The following SZT2 variants were observed in gnomAD, a reference collection of about 807,000 sequenced individuals.
SZT2 encodes the protein SZT2 subunit of KICSTOR complex.
Under a neutral mutation model 404.2 loss-of-function variants are expected in SZT2, and 216 were observed. That is an observed-to-expected ratio of 0.53 (90% CI 0.48 to 0.60). The LOEUF is 0.60. Ranked by LOEUF, SZT2 falls within the 20% of genes least tolerant of loss-of-function variation. The pLI, the probability that SZT2 is intolerant of heterozygous loss-of-function variation, is 0.00. For missense variants in SZT2, 3,857 were observed against 4,459.2 expected (o/e 0.86, Z 3.85); for synonymous variants, 1,693 against 1,749.9 (o/e 0.97, Z 0.81).
rs763463744 is a variant in SZT2, at chr1:43,420,103, C to A, written c.1091-50C>A. 1 of 1,589,548 alleles carries A rather than the reference C, an allele frequency of 6.3e-7. No individual in the cohort carries two copies. The highest frequency in any genetic ancestry group is 1.1e-5 in the South Asian group (1 of 89,530). ...TAGCCCCTTCCCCCTACAGATCTGT[C>A]AGTTGGCAGATAACCAGTTTCTCCT... On this transcript the variant is annotated intron_variant, in intron 8 of 71. Transcript: ENST00000634258. This position sits in a 1 kb window ranked among gnomAD's most constrained non-coding sequence, Gnocchi z 5.1.
At chr1:43,429,680 A>G (rs1653619741) in intron 28 of SZT2, 23 bp from the exon 29 acceptor site, 4 of 1,614,114 alleles carry the variant, frequency 2.5e-6, no homozygotes, top group African/African-American at 1.3e-5. Flanking sequence ...TAACACTTCA[A>G]CATCCTTACC....
At position 43,437,528 on chromosome 1, in the gene SZT2, T is replaced by C; in HGVS notation, c.6290+20T>C. The C allele has an allele frequency of 6.2e-7, 1 of 1,613,778 alleles. No homozygotes were observed. The highest frequency in any genetic ancestry group is 8.5e-7 in the Non-Finnish European group (1 of 1,179,928). ...TCTTCGGTATGTGGCCCTTGGAAGG[T>C]GGGTAGGGCATGAATTAAGGATGGC... On this transcript the variant is annotated intron_variant, in intron 44 of 71. Coordinates refer to ENST00000634258, the MANE Select transcript of SZT2 (RefSeq NM_001365999.1). The surrounding 1 kb of genome is among the most constrained non-coding windows in gnomAD (Gnocchi z 5.3).
intron 4 of SZT2, among the ~76,000 whole-genome samples, chr1:43,407,057 T>G (rs1650401377): frequency 6.6e-6 from 1 of 152,166 alleles, no homozygotes; most frequent in East Asian, 1.9e-4. Context: ...AAAGTCTGGA[T>G]GGGAGAATAG....
At position 43,421,423 on chromosome 1, in the gene SZT2, A is replaced by C. The variant is rs1652348179; in HGVS notation, c.1626+120A>C. 4 of 1,390,344 alleles carry C rather than the reference A, an allele frequency of 2.9e-6. No homozygotes were observed. The Admixed American group carries it at 8.6e-5, about 30-fold the overall frequency. 86.1% of individuals were successfully genotyped at this position (1,390,344 alleles called of 1,614,324 possible). A position where few individuals can be genotyped will look rare whatever the true frequency, so the allele number is the denominator to read the frequency against. ...CTCACGTCTAAGGCACCTAAGCCAGAAGCCCAAGCTTTAACCTTGAGAGCT... is the reference window on the plus strand; with the variant it reads ...CTCACGTCTAAGGCACCTAAGCCAGCAGCCCAAGCTTTAACCTTGAGAGCT... On this transcript the variant is annotated intron_variant, in intron 11 of 71. Coordinates refer to ENST00000634258, the MANE Select transcript of SZT2 (RefSeq NM_001365999.1).
chr1:43,395,316 G>A (rs1557499383), intron 1 of SZT2, among the ~76,000 whole-genome samples: 1 of 152,108 alleles, frequency 6.6e-6, no homozygotes, highest in Non-Finnish European at 1.5e-5. Context: ...GTCAGGGAGT[G>A]GGGCAGGGTC....
Position 43,426,564 on chromosome 1 carries a change from C to A in SZT2, c.3214+26C>A. 6.5e-7 allele frequency: 1 copy of A among 1,536,384 alleles called. No homozygotes were observed. The highest frequency in any genetic ancestry group is 1.2e-5 in the South Asian group (1 of 84,418). Reference sequence around the variant, plus strand: ...GTGAGTTCCCCACATCCTCCTGACACCAGACCCTGGCCCAGCCCTTTTCCC... The same window carrying A: ...GTGAGTTCCCCACATCCTCCTGACAACAGACCCTGGCCCAGCCCTTTTCCC... On this transcript the variant is annotated intron_variant, in intron 22 of 71. Transcript: ENST00000634258. The surrounding 1 kb of genome is among the most constrained non-coding windows in gnomAD (Gnocchi z 4.9).
At chr1:43,440,144 A>C in intron 51 of SZT2, 96 bp downstream of exon 51, 1 of 1,514,382 alleles carries the variant, frequency 6.6e-7, no homozygotes, top group African/African-American at 1.4e-5. Context: ...GTTTAGGGGA[A>C]GCATGTCAGA....
chr1:43,447,196 C>A (rs1302729606), intron 66 of SZT2, 28 bp downstream of exon 66: 3 of 1,591,840 alleles, frequency 1.9e-6, no homozygotes, highest in South Asian at 2.3e-5. Flanking sequence ...AGCCAGTGAA[C>A]CCAAAAAAGA....
chr1:43,444,785 A>T (rs1035442173), intron 62 of SZT2, among the ~76,000 whole-genome samples: 1 of 152,128 alleles, frequency 6.6e-6, no homozygotes, highest in Non-Finnish European at 1.5e-5. Flanking sequence ...CAGTGGCTGT[A>T]TGCGAAAAAT....
At chr1:43,447,511 T>G in intron 66 of SZT2, 34 bp from the exon 67 acceptor site, 1 of 1,608,100 alleles carries the variant, frequency 6.2e-7, no homozygotes, top group Non-Finnish European at 8.5e-7. Context: ...GTCCTAGGCT[T>G]AGTGTCTGCT....
chr1:43,406,592 G>A (rs1158280249), intron 4 of SZT2: 3 of 152,696 alleles, frequency 2.0e-5, no homozygotes, highest in Admixed American at 6.5e-5. Context: ...TGTGGAAAGG[G>A]ATGGTAAAGA....
chr1:43,413,974 CA>C (rs1250202735), intron 4 of SZT2, among the ~76,000 whole-genome samples: 1 of 152,040 alleles, frequency 6.6e-6, no homozygotes, highest in East Asian at 1.9e-4. Flanking sequence ...GTTTGTAACA[CA>C]AAAAATAGGA....
In SZT2 at chr1:43,450,830, G is replaced by A; in HGVS notation, c.*350G>A. ...CCTAGAGCTCCTCTGCCTGAATCCT[G>A]CCCCCTAGCCTTTGACCACTGTCAG... is the stretch of plus-strand genomic sequence containing the variant. On this transcript the variant is annotated 3_prime_UTR_variant, in exon 72 of 72. Coordinates refer to ENST00000634258, the MANE Select transcript of SZT2 (RefSeq NM_001365999.1). The surrounding 1 kb of genome is among the most constrained non-coding windows in gnomAD (Gnocchi z 4.3). The A allele has an allele frequency of 1.4e-6, 1 of 708,858 alleles. No individual in the cohort carries two copies. Among genetic ancestry groups the A allele is most frequent in the Non-Finnish European group, 2.6e-6 (1 of 382,218 alleles). 43.9% of individuals were successfully genotyped at this position (708,858 alleles called of 1,614,324 possible).
In SZT2 at chr1:43,454,092, G is replaced by A; in HGVS notation, c.*3612G>A. Reference sequence around the variant, plus strand: ...GCTCCAGGGCCTGAGAGCCGGACGCGAAGCAAGAGAGAGCTGGCTGCCCGA... The same window carrying A: ...GCTCCAGGGCCTGAGAGCCGGACGCAAAGCAAGAGAGAGCTGGCTGCCCGA... On this transcript the variant is annotated 3_prime_UTR_variant, in exon 72 of 72. Coordinates refer to ENST00000634258, the MANE Select transcript of SZT2 (RefSeq NM_001365999.1). 1 of 1,092,824 alleles carries A rather than the reference G, an allele frequency of 9.2e-7. No homozygotes were observed. Among genetic ancestry groups the A allele is most frequent in the Non-Finnish European group, 1.1e-6 (1 of 897,874 alleles). The allele number at this position is 1,092,824 out of a possible 1,614,324, so 67.7% of individuals were successfully genotyped here. A position where few individuals can be genotyped will look rare whatever the true frequency, so the allele number is the denominator to read the frequency against.
intron 1 of SZT2, among the ~76,000 whole-genome samples, chr1:43,397,200 G>C (rs142872925): frequency 0.014 from 2,055 of 152,176 alleles, 51 homozygotes; most frequent in African/African-American, 0.047. Flanking sequence ...GGGAGGCTGA[G>C]GCCAGTGGAT....
At chr1:43,392,628 T>G (rs1648536967) in intron 1 of SZT2, among the ~76,000 whole-genome samples, 1 of 152,180 alleles carries the variant, frequency 6.6e-6, no homozygotes, top group Non-Finnish European at 1.5e-5. Flanking sequence ...GTTAGCCAGA[T>G]AGTCTCAATC....
chr1:43,422,967 C>T, intron 14 of SZT2, 84 bp downstream of exon 14: 1 of 1,495,770 alleles, frequency 6.7e-7, no homozygotes, highest in African/African-American at 1.4e-5. Context: ...AGGGCCAGGT[C>T]TAATAGAGGG....
In SZT2 at chr1:43,432,772, C is replaced by G; in HGVS notation, c.5575C>G (p.Gln1859Glu). The change falls in exon 39 of 72, where the codon CAG becomes GAG. Residue 1859 changes from glutamine (Q) to glutamate (E), a missense_variant. Physicochemically the swap from Gln to Glu is conservative, Grantham distance 29. Around this residue, in one of 7 missense-constraint regions of SZT2, gnomAD observed 1,725 missense variants for 1,881.0 expected, o/e 0.92. Coordinates refer to ENST00000634258, the MANE Select transcript of SZT2 (RefSeq NM_001365999.1). ...CCGGGGATTAAGTCTCATGTCCAGTCAGGGCAGTGTGGACTCAGACCACCT... is the reference window on the plus strand; with the variant it reads ...CCGGGGATTAAGTCTCATGTCCAGTGAGGGCAGTGTGGACTCAGACCACCT... ...PSRGLSLMSS[Q>E]GSVDSDHLGY... 1 of 1,613,912 alleles carries G rather than the reference C, an allele frequency of 6.2e-7. No individual in the cohort carries two copies.
intron 46 of SZT2, 139 bp downstream of exon 46, chr1:43,438,041 C>A: frequency 1.2e-6 from 1 of 820,152 alleles, no homozygotes. Context: ...TTAAGTGAGC[C>A]ATAAATACTA....
Sources: gnomAD v4.1 joint callset for allele counts (sites outside exome capture counted in the v4.1 genomes callset) on GRCh38, gnomAD v4.1.1 for gene constraint, gnomAD v4.1.1 regional missense constraint, Gnocchi (gnomAD v3.1) non-coding constraint, MANE v1.5 for transcripts, NCBI Gene and HGNC (gene_info 2026-07-23, HGNC 2026-07-21) for gene names.